Variants in WDR89 observed in about 807,000 individuals in gnomAD.
The protein encoded by WDR89 is WD repeat domain 89, also known as WD repeat-containing protein 89.
Under a neutral mutation model 29.1 loss-of-function variants are expected in WDR89, and 17 were observed. The observed-to-expected ratio is 0.58, with a 90% CI of 0.40 to 0.88. The LOEUF is 0.88. WDR89 is among the 40% of genes least tolerant of loss of function. The pLI, the probability that WDR89 is intolerant of heterozygous loss-of-function variation, is 0.00. For missense variants in WDR89, 396 were observed against 456.3 expected (o/e 0.87, Z 1.20); for synonymous variants, 138 against 157.8 (o/e 0.87, Z 0.94).
At chr14:63,602,258 G>A (rs1895099978) in intron 2 of WDR89, among the ~76,000 whole-genome samples, 1 of 151,904 alleles carries the variant, frequency 6.6e-6, no homozygotes, top group South Asian at 2.1e-4. Context: ...CGATCACTGA[G>A]GTCAGGAGTT....
chr14:63,639,069 A>G (rs1782672061), intron 1 of WDR89, among the ~76,000 whole-genome samples: 1 of 152,216 alleles, frequency 6.6e-6, no homozygotes, highest in Non-Finnish European at 1.5e-5. Context: ...CTGTGCAGAA[A>G]AGAGCCACAA....
intron 2 of WDR89, among the ~76,000 whole-genome samples, chr14:63,610,702 C>CTTTTTTTTTTTTT (rs1009799974): frequency 7.7e-6 from 1 of 129,148 alleles, no homozygotes; most frequent in African/African-American, 2.9e-5. Flanking sequence ...CTTTTCTTTT[C>CTTTTTTTTTTTTT]TTTTTTTTTT....
At position 63,597,154 on chromosome 14, in the gene WDR89, G is replaced by A. The variant is rs1894835310; in HGVS notation, c.*1625C>T. 6.6e-6 allele frequency: 1 copy of A among 152,180 alleles called. No homozygotes were observed. The highest frequency in any genetic ancestry group is 1.5e-5 in the Non-Finnish European group (1 of 68,050). 9.4% of individuals were successfully genotyped at this position (152,180 alleles called of 1,614,324 possible). On this transcript the variant is annotated 3_prime_UTR_variant, in exon 3 of 3. Coordinates refer to ENST00000620954, the MANE Select transcript of WDR89 (RefSeq NM_080666.4). ...GGGAAGCAAAGCACCTTCTTCACAA[G>A]GCTTCAGGAGAAAGAGTGAGGAGTT...
chr14:63,602,544 G>A (rs1232935203), intron 2 of WDR89, among the ~76,000 whole-genome samples: 4 of 151,086 alleles, frequency 2.6e-5, no homozygotes, highest in Non-Finnish European at 4.4e-5. Flanking sequence ...AGGCCAAGGC[G>A]GGCAGATCAC....
chr14:63,616,778 G>C (rs950687216), intron 2 of WDR89, among the ~76,000 whole-genome samples: 1 of 152,352 alleles, frequency 6.6e-6, no homozygotes, highest in East Asian at 1.9e-4. Context: ...TGTAGGCTGA[G>C]AGCAGGTAAG....
rs762826018 is a variant in WDR89 at position 63,598,846 on chromosome 14, G to A, written c.1097C>T (p.Ala366Val). 1.2e-6 allele frequency: 2 copies of A among 1,613,998 alleles called. No homozygotes were observed. Among genetic ancestry groups the A allele is most frequent in the South Asian group, 1.1e-5 (1 of 91,050 alleles). Reference sequence around the variant, plus strand: ...TCGTACTCGTTGGTGCACAGAGGATGCTATTTTCATACTCTCTTTCTTTGT... The same window carrying A: ...TCGTACTCGTTGGTGCACAGAGGATACTATTTTCATACTCTCTTTCTTTGT... ...TFTKKESMKI[A>V]SSVHQRVRVH... Residue 366 changes from alanine (A) to valine (V), a missense_variant, in exon 3 of 3, where the codon GCA becomes GTA. Transcript: ENST00000620954.
intron 2 of WDR89, among the ~76,000 whole-genome samples, chr14:63,617,077 C>CTTTT (rs10602220): frequency 9.6e-5 from 10 of 104,106 alleles, no homozygotes; most frequent in South Asian, 3.0e-4. Flanking sequence ...TAATTACAAG[C>CTTTT]TTTTTTTTTT....
chr14:63,614,670 C>T (rs1345160016), intron 2 of WDR89, among the ~76,000 whole-genome samples: 2 of 152,144 alleles, frequency 1.3e-5, no homozygotes, highest in African/African-American at 2.4e-5. Context: ...TCAGGAGAAT[C>T]GTTTCCAGAA....
intron 2 of WDR89, among the ~76,000 whole-genome samples, chr14:63,605,211 T>TACACACACACACAC (rs200461481): frequency 0.02 from 2,043 of 102,502 alleles, 59 homozygotes; most frequent in African/African-American, 0.054. Flanking sequence ...TACATACACA[T>TACACACACACACAC]ACACACACAC....
At chr14:63,604,800 C>T (rs1022031692) in intron 2 of WDR89, among the ~76,000 whole-genome samples, 8 of 152,126 alleles carry the variant, frequency 5.3e-5, no homozygotes, top group African/African-American at 1.4e-4. Flanking sequence ...AAAATCACCA[C>T]GTAAGGACGC....
intron 2 of WDR89, among the ~76,000 whole-genome samples, chr14:63,620,004 C>CAAAAAAAAAAAAA (rs71120271): frequency 2.8e-5 from 2 of 72,460 alleles, no homozygotes; most frequent in African/African-American, 5.1e-5. Flanking sequence ...GACTCCATCT[C>CAAAAAAAAAAAAA]AAAAAAAAAA....
rs1894890933 is a variant in WDR89, at chr14:63,598,559, A to C, written c.*220T>G. 3 of 367,936 alleles carry C rather than the reference A, an allele frequency of 8.2e-6. No individual in the cohort carries two copies. In the South Asian group the frequency reaches 3.8e-4, roughly 46 times the overall value. The allele number at this position is 367,936 out of a possible 1,614,324, so 22.8% of individuals were successfully genotyped here. A position where few individuals can be genotyped will look rare whatever the true frequency, so the allele number is the denominator to read the frequency against. On this transcript the variant is annotated 3_prime_UTR_variant, in exon 3 of 3. Coordinates refer to ENST00000620954, the MANE Select transcript of WDR89 (RefSeq NM_080666.4). ...CATTAACAGATGGGTTCTTTAAATA[A>C]GAAATTTTACTTTCAACTCACTGAT...
At chr14:63,601,584 A>G in intron 2 of WDR89, 1 of 1,610,606 alleles carries the variant, frequency 6.2e-7, no homozygotes, top group East Asian at 2.2e-5. Context: ...TGAAACTGTA[A>G]CCAAAGGAGG....
At chr14:63,626,518 A>G (rs1018585558) in intron 1 of WDR89, among the ~76,000 whole-genome samples, 25 of 151,404 alleles carry the variant, frequency 1.7e-4, no homozygotes, top group Admixed American at 1.6e-3. Flanking sequence ...CTCTACTAAA[A>G]ATACAAAAAT....
At position 63,599,107 on chromosome 14, in the gene WDR89, C is replaced by T. The variant is rs143165130; in HGVS notation, c.836G>A (p.Gly279Asp). 47 of 1,614,092 alleles carry T rather than the reference C, an allele frequency of 2.9e-5. No homozygotes were observed. The highest frequency in any genetic ancestry group is 3.6e-5 in the Non-Finnish European group (43 of 1,180,026). Reference sequence around the variant, plus strand: ...GTCTGTCTTTTCATGATATAGGCCACCAATCAAATAGTCCAAAGCATCTTC... The same window carrying T: ...GTCTGTCTTTTCATGATATAGGCCATCAATCAAATAGTCCAAAGCATCTTC... ...MKEDALDYLIGGLYHEKTDTL... is the reference protein window; with the variant it reads ...MKEDALDYLIDGLYHEKTDTL... The change falls in exon 3 of 3, where the codon GGT (glycine) becomes GAT (aspartate). Residue 279 changes from glycine (G) to aspartate (D), a missense_variant. Transcript: ENST00000620954.
chr14:63,598,707 C>T lies in WDR89; in HGVS notation c.*72G>A. The stretch of plus-strand genomic sequence containing the variant: ...TTTTTACATAAAGCTTTAAACATGT[C>T]TACCATGGGTAGTAAACAAGAAGGA... On this transcript the variant is annotated 3_prime_UTR_variant, in exon 3 of 3. Transcript: ENST00000620954. 3.7e-6 allele frequency: 5 copies of T among 1,346,328 alleles called. No homozygotes were observed. The highest frequency in any genetic ancestry group is 4.9e-6 in the Non-Finnish European group (5 of 1,013,574). The allele number at this position is 1,346,328 out of a possible 1,614,324, so 83.4% of individuals were successfully genotyped here.
chr14:63,639,529 G>A (rs1170645979), intron 1 of WDR89, among the ~76,000 whole-genome samples: 2 of 151,962 alleles, frequency 1.3e-5, no homozygotes, highest in African/African-American at 4.8e-5. Context: ...TGTTACAGTA[G>A]CTATATGAAC....
At chr14:63,601,875 T>A (rs1455497685) in intron 2 of WDR89, 1 of 633,510 alleles carries the variant, frequency 1.6e-6, no homozygotes, top group African/African-American at 1.8e-5. Flanking sequence ...AGTTCTGAAA[T>A]CTTTCATCAT....
chr14:63,637,551 T>G (rs1324326477), intron 1 of WDR89, among the ~76,000 whole-genome samples: 1 of 152,076 alleles, frequency 6.6e-6, no homozygotes, highest in South Asian at 2.1e-4. Flanking sequence ...GACACTGTGG[T>G]GGGTGTGTGT....
Sources: gnomAD v4.1 joint callset for allele counts (sites outside exome capture counted in the v4.1 genomes callset) on GRCh38, gnomAD v4.1.1 for gene constraint, MANE v1.5 for transcripts, NCBI Gene and HGNC (gene_info 2026-07-23, HGNC 2026-07-21) for gene names.